SPAG16: variants seen among roughly 807,000 people sequenced by gnomAD.
The protein encoded by SPAG16 is sperm-associated antigen 16 protein.
Under a neutral mutation model 80.4 loss-of-function variants are expected in SPAG16, and 86 were observed. The observed-to-expected ratio is 1.07, with a 90% CI of 0.90 to 1.28. The LOEUF (loss-of-function observed/expected upper bound fraction) is 1.28. Ranked by LOEUF, SPAG16 falls within the 50% of genes most tolerant of loss-of-function variation. The probability of loss-of-function intolerance (pLI) is 0.00; values close to 1 mark genes in which losing one functional copy is unlikely to be tolerated. For missense variants in SPAG16, 870 were observed against 765.3 expected (o/e 1.14, Z -1.61); for synonymous variants, 294 against 265.9 (o/e 1.11, Z -1.03).
intron 10 of SPAG16, among the ~76,000 whole-genome samples, chr2:213,809,092 T>C (rs1465801326): frequency 6.6e-6 from 1 of 152,194 alleles, no homozygotes; most frequent in South Asian, 2.1e-4. Context: ...TGTTTTCATT[T>C]TGGTGAAAGA....
At chr2:213,930,752 A>G (rs2078712677) in intron 12 of SPAG16, among the ~76,000 whole-genome samples, 1 of 152,192 alleles carries the variant, frequency 6.6e-6, no homozygotes, top group Non-Finnish European at 1.5e-5. Context: ...TATCACCCAT[A>G]TATTTTTGGA....
At chr2:214,053,920 T>A (rs2049795562) in intron 13 of SPAG16, among the ~76,000 whole-genome samples, 1 of 152,224 alleles carries the variant, frequency 6.6e-6, no homozygotes, top group African/African-American at 2.4e-5. Flanking sequence ...AAGAATATTT[T>A]AGTTTTGTTT....
At chr2:213,494,766 G>A (rs2074407797) in intron 10 of SPAG16, among the ~76,000 whole-genome samples, 1 of 152,118 alleles carries the variant, frequency 6.6e-6, no homozygotes, top group Non-Finnish European at 1.5e-5. Flanking sequence ...TTTGCAAGAT[G>A]AGACTCTTGC....
intron 10 of SPAG16, among the ~76,000 whole-genome samples, chr2:213,778,393 C>A (rs976196825): frequency 1.3e-5 from 2 of 152,134 alleles, no homozygotes; most frequent in African/African-American, 4.8e-5. Flanking sequence ...GACTTAATTA[C>A]TAAAGTCAAA....
At chr2:213,836,659 C>T (rs2074102472) in intron 10 of SPAG16, among the ~76,000 whole-genome samples, 2 of 151,816 alleles carry the variant, frequency 1.3e-5, no homozygotes, top group South Asian at 4.2e-4. Context: ...GTTGCCCAGG[C>T]TGGAGTGCAA....
intron 15 of SPAG16, among the ~76,000 whole-genome samples, chr2:214,277,006 T>C (rs868570741): frequency 1.3e-5 from 2 of 152,170 alleles, no homozygotes; most frequent in Non-Finnish European, 2.9e-5. Context: ...TACTCTGTTT[T>C]CTCTAAACTT....
At chr2:214,125,806 A>G (rs1483193408) in intron 14 of SPAG16, among the ~76,000 whole-genome samples, 2 of 151,716 alleles carry the variant, frequency 1.3e-5, no homozygotes, top group Non-Finnish European at 2.9e-5. Flanking sequence ...GTATTTAATC[A>G]GGGTTTTACT....
chr2:213,800,373 T>TC, intron 10 of SPAG16, among the ~76,000 whole-genome samples: 2 of 126,806 alleles, frequency 1.6e-5, no homozygotes, highest in East Asian at 2.8e-4. Flanking sequence ...CCTCTCTCCC[T>TC]TTCTTCTTTT....
chr2:214,129,260 T>A (rs900139609), intron 14 of SPAG16, among the ~76,000 whole-genome samples: 2 of 152,088 alleles, frequency 1.3e-5, no homozygotes, highest in Non-Finnish European at 2.9e-5. Context: ...AATTAGGGAG[T>A]CTGCTGTGCT....
At chr2:213,925,349 T>G (rs1174511197) in intron 11 of SPAG16, among the ~76,000 whole-genome samples, 1 of 136,870 alleles carries the variant, frequency 7.3e-6, no homozygotes, top group Non-Finnish European at 1.6e-5. Flanking sequence ...CTTGTTTCTT[T>G]TCTTCCTTTT....
chr2:214,316,726 A>G (rs978684396), intron 15 of SPAG16, among the ~76,000 whole-genome samples: 3 of 152,270 alleles, frequency 2.0e-5, no homozygotes, highest in Admixed American at 2.0e-4. Context: ...TTTTTTATCT[A>G]GGATATTTTG....
At chr2:213,742,552 T>TTTC (rs201730186) in intron 10 of SPAG16, among the ~76,000 whole-genome samples, 2 of 44,318 alleles carry the variant, frequency 4.5e-5, no homozygotes, top group Non-Finnish European at 1.6e-4. Flanking sequence ...TATTTCTTTT[T>TTTC]TTTTTTTTTT....
chr2:214,272,994 T>C (rs1369579115), intron 15 of SPAG16, among the ~76,000 whole-genome samples: 4 of 152,234 alleles, frequency 2.6e-5, no homozygotes, highest in Non-Finnish European at 5.9e-5. Flanking sequence ...CTAACTGGTG[T>C]GAGATGGTAT....
intron 10 of SPAG16, among the ~76,000 whole-genome samples, chr2:213,603,268 T>C (rs116839228): frequency 0.01 from 1,547 of 152,334 alleles, 12 homozygotes; most frequent in Non-Finnish European, 0.017. Flanking sequence ...GTTTATATCT[T>C]TCGCTCATTT....
rs373677415 is a variant in SPAG16, at chr2:214,109,455, C to T, written c.1593+1194C>T. On this transcript the variant is annotated intron_variant, in intron 14 of 15. Coordinates refer to ENST00000331683, the MANE Select transcript of SPAG16 (RefSeq NM_024532.5). ...GTGAGAATCTTAATTCCAAATTCCA[C>T]TTCTTTTCCAATTAGCTATAAAAGA... Among the ~76,000 whole-genome samples the T allele has an allele frequency of 1.4e-3, 210 of 152,274 alleles. 2 individuals are homozygous for T. The highest frequency in any genetic ancestry group is 4.9e-3 in the African/African-American group (202 of 41,568).
chr2:214,083,947 C>T (rs1243887106), intron 13 of SPAG16, among the ~76,000 whole-genome samples: 1 of 151,956 alleles, frequency 6.6e-6, no homozygotes, highest in Non-Finnish European at 1.5e-5. Flanking sequence ...GATGTCCTTC[C>T]TCATAGCAAT....
chr2:213,967,351 C>G (rs2044759728), intron 12 of SPAG16, among the ~76,000 whole-genome samples: 1 of 152,118 alleles, frequency 6.6e-6, no homozygotes, highest in African/African-American at 2.4e-5. Flanking sequence ...TTTTCTATCA[C>G]TTTGAATTTT....
intron 8 of SPAG16, among the ~76,000 whole-genome samples, chr2:213,366,898 A>AG (rs2066326416): frequency 6.6e-6 from 1 of 152,036 alleles, no homozygotes; most frequent in Non-Finnish European, 1.5e-5. Flanking sequence ...TTAACTCATC[A>AG]TTTACATTAG....
intron 13 of SPAG16, among the ~76,000 whole-genome samples, chr2:214,078,125 C>G (rs965057347): frequency 9.5e-6 from 1 of 105,728 alleles, no homozygotes; most frequent in Non-Finnish European, 2.3e-5. Context: ...AAAGTATTCC[C>G]AAGAAAAAGA....
Sources: gnomAD v4.1 joint callset for allele counts (sites outside exome capture counted in the v4.1 genomes callset) on GRCh38, gnomAD v4.1.1 for gene constraint, MANE v1.5 for transcripts, NCBI Gene and HGNC (gene_info 2026-07-23, HGNC 2026-07-21) for gene names.